LGSN: variants seen among roughly 807,000 people sequenced by gnomAD.
LGSN encodes lengsin, lens protein with glutamine synthetase domain.
A neutral mutation model predicts 19.5 loss-of-function variants in LGSN; 21 were observed. The ratio of observed to expected loss-of-function variants is 1.07; its 90% CI spans 0.76 to 1.55. LGSN has a LOEUF of 1.55. LGSN is among the 40% of genes most tolerant of loss of function. The pLI, the probability that LGSN is intolerant of heterozygous loss-of-function variation, is 0.00. For missense variants in LGSN, 673 were observed against 608.5 expected (o/e 1.11, Z -1.12); for synonymous variants, 257 against 215.6 (o/e 1.19, Z -1.68).
chr6:63,488,519 T>C, the LGSN span, among the ~76,000 whole-genome samples: 1 of 152,208 alleles, frequency 6.6e-6, no homozygotes, highest in Admixed American at 6.5e-5. Context: ...GGGAAATTCA[T>C]CTCTTCATTT....
chr6:63,533,318 G>A, the LGSN span, among the ~76,000 whole-genome samples: 1 of 152,158 alleles, frequency 6.6e-6, no homozygotes, highest in African/African-American at 2.4e-5. Context: ...GGAGGCAGAG[G>A]TTACAGTGAG....
the LGSN span, among the ~76,000 whole-genome samples, chr6:63,371,479 T>G: frequency 6.6e-6 from 1 of 152,230 alleles, no homozygotes; most frequent in Non-Finnish European, 1.5e-5. Context: ...TAAATACTTT[T>G]TTTAGAAATA....
the LGSN span, among the ~76,000 whole-genome samples, chr6:63,568,507 T>C: frequency 6.6e-6 from 1 of 152,124 alleles, no homozygotes; most frequent in South Asian, 2.1e-4. Context: ...GTTCACAAAT[T>C]GCCATAACAA....
At chr6:63,492,619 CTGCTGAGGTAGGAGGGAT>C in the LGSN span, among the ~76,000 whole-genome samples, 1 of 152,176 alleles carries the variant, frequency 6.6e-6, no homozygotes, top group Non-Finnish European at 1.5e-5. Context: ...GCACACGGCC[CTGCTGAGGTAGGAGGGAT>C]TGCAGCAGCA....
chr6:63,455,581 C>A, the LGSN span, among the ~76,000 whole-genome samples: 1 of 151,788 alleles, frequency 6.6e-6, no homozygotes, highest in African/African-American at 2.4e-5. Context: ...ATGATGAAAC[C>A]CCGTCTCTAC....
At chr6:63,479,792 A>G in the LGSN span, among the ~76,000 whole-genome samples, 1 of 152,196 alleles carries the variant, frequency 6.6e-6, no homozygotes, top group Non-Finnish European at 1.5e-5. Context: ...CTCATTTTAT[A>G]GATGAAGAAT....
the LGSN span, among the ~76,000 whole-genome samples, chr6:63,377,928 A>G: frequency 2.0e-5 from 3 of 150,288 alleles, no homozygotes; most frequent in Middle Eastern, 3.4e-3. Flanking sequence ...AAAAAAAAAA[A>G]AAAAAAAGAA....
intron 1 of LGSN, among the ~76,000 whole-genome samples, chr6:63,308,051 G>C (rs1768469089): frequency 6.6e-6 from 1 of 152,170 alleles, no homozygotes; most frequent in Non-Finnish European, 1.5e-5. Flanking sequence ...TGAAGATAGG[G>C]AGTGAGGTAA....
the LGSN span, among the ~76,000 whole-genome samples, chr6:63,444,243 A>G: frequency 1.3e-5 from 2 of 152,216 alleles, no homozygotes; most frequent in Non-Finnish European, 2.9e-5. Context: ...AGATATGGAA[A>G]CAGAAAGATG....
the LGSN span, among the ~76,000 whole-genome samples, chr6:63,436,801 T>A: frequency 5.9e-5 from 9 of 152,136 alleles, no homozygotes; most frequent in African/African-American, 2.2e-4. Context: ...TTTGGGAGGC[T>A]GAGGCAGGTG....
the LGSN span, chr6:63,395,834 T>C: frequency 6.5e-6 from 1 of 154,520 alleles, no homozygotes. Context: ...GTGGGCACTG[T>C]GGAGAGCCTG....
the LGSN span, among the ~76,000 whole-genome samples, chr6:63,517,997 A>G: frequency 6.6e-6 from 1 of 152,068 alleles, no homozygotes; most frequent in African/African-American, 2.4e-5. Context: ...TACTAAAAAT[A>G]CAAAATTAGC....
intron 2 of LGSN, among the ~76,000 whole-genome samples, chr6:63,292,187 C>T (rs1428105386): frequency 6.6e-6 from 1 of 152,146 alleles, no homozygotes; most frequent in African/African-American, 2.4e-5. Flanking sequence ...AGATAAGAAA[C>T]CAGATGGCAA....
chr6:63,416,886 A>G, the LGSN span, among the ~76,000 whole-genome samples: 4 of 151,408 alleles, frequency 2.6e-5, no homozygotes, highest in African/African-American at 9.7e-5. Context: ...TATTTAAAAG[A>G]AATATATATA....
Position 63,319,945 on chromosome 6 carries a change from T to A in LGSN, c.-2A>T. The A allele has an allele frequency of 6.2e-7, 1 of 1,609,208 alleles. No homozygotes were observed. The highest frequency in any genetic ancestry group is 8.5e-7 in the Non-Finnish European group (1 of 1,175,668). Reference sequence around the variant, plus strand: ...CAGAAGGTCCTCTTCATTATTCATCTCAACACTTTTTAAGTTCAGCGTTAG... The same window carrying A: ...CAGAAGGTCCTCTTCATTATTCATCACAACACTTTTTAAGTTCAGCGTTAG... On this transcript the variant is annotated 5_prime_UTR_variant, in exon 1 of 4. Coordinates refer to ENST00000370657, the MANE Select transcript of LGSN (RefSeq NM_016571.3).
the LGSN span, among the ~76,000 whole-genome samples, chr6:63,540,823 G>A: frequency 6.0e-5 from 9 of 149,416 alleles, no homozygotes; most frequent in South Asian, 2.1e-4. Flanking sequence ...ATGGTGAAAC[G>A]CCATCTCTGC....
chr6:63,357,147 C>A, the LGSN span, among the ~76,000 whole-genome samples: 1 of 152,084 alleles, frequency 6.6e-6, no homozygotes, highest in African/African-American at 2.4e-5. Flanking sequence ...CATATCCCTG[C>A]AAAGGACATG....
chr6:63,529,149 G>T, the LGSN span, among the ~76,000 whole-genome samples: 1 of 108,806 alleles, frequency 9.2e-6, no homozygotes, highest in South Asian at 2.9e-4. Context: ...ATATATATAT[G>T]TATATATATG....
chr6:63,413,745 A>C, the LGSN span, among the ~76,000 whole-genome samples: 5 of 152,210 alleles, frequency 3.3e-5, no homozygotes. Context: ...AATGCCATAA[A>C]ATTATTTCTA....
Sources: gnomAD v4.1 joint callset for allele counts (sites outside exome capture counted in the v4.1 genomes callset) on GRCh38, gnomAD v4.1.1 for gene constraint, MANE v1.5 for transcripts, NCBI Gene and HGNC (gene_info 2026-07-23, HGNC 2026-07-21) for gene names.